PRKACB: variants seen among roughly 807,000 people sequenced by gnomAD.
PRKACB encodes the protein cAMP-dependent protein kinase catalytic subunit beta.
In PRKACB, 16 loss-of-function variants were observed where a neutral mutation model predicts 51.4. The observed-to-expected ratio is 0.31, with a 90% CI of 0.21 to 0.47. The LOEUF (loss-of-function observed/expected upper bound fraction) is 0.47, where lower values mean the gene tolerates loss of function less well. Among genes scored for constraint, PRKACB ranks in the 20% least tolerant of loss-of-function variants. The pLI, the probability that PRKACB is intolerant of heterozygous loss-of-function variation, is 1.00. For missense variants in PRKACB, 309 were observed against 464.5 expected (o/e 0.67, Z 3.08); for synonymous variants, 147 against 154.4 (o/e 0.95, Z 0.35).
chr1:84,163,739 G>A (rs953526211), intron 1 of PRKACB, among the ~76,000 whole-genome samples: 3 of 152,034 alleles, frequency 2.0e-5, no homozygotes, highest in Admixed American at 6.6e-5. Context: ...TGATAATTCT[G>A]TTCAGCTTCA....
intron 1 of PRKACB, among the ~76,000 whole-genome samples, chr1:84,080,931 ATT>A: frequency 6.6e-6 from 1 of 150,956 alleles, no homozygotes; most frequent in African/African-American, 2.5e-5. Flanking sequence ...TTTAGTTTCA[ATT>A]AAAGACTATA....
At chr1:84,233,093 T>C (rs1676016827) in intron 9 of PRKACB, among the ~76,000 whole-genome samples, 1 of 151,884 alleles carries the variant, frequency 6.6e-6, no homozygotes, top group Non-Finnish European at 1.5e-5. Flanking sequence ...TCAGGAGCTC[T>C]TTTAGGGCAG....
At chr1:84,203,582 AG>A (rs905595806) in intron 8 of PRKACB, among the ~76,000 whole-genome samples, 4 of 152,022 alleles carry the variant, frequency 2.6e-5, no homozygotes, top group Non-Finnish European at 4.4e-5. Flanking sequence ...ATGAAAGAAT[AG>A]GCTTTTAAAC....
At chr1:84,160,559 A>ATT (rs201933664) in intron 1 of PRKACB, among the ~76,000 whole-genome samples, 2,007 of 147,518 alleles carry the variant, frequency 0.014, 52 homozygotes, top group African/African-American at 0.046. Flanking sequence ...TATTATATAT[A>ATT]ATATAATACT....
chr1:84,104,251 G>T (rs1649562584), intron 1 of PRKACB, among the ~76,000 whole-genome samples: 1 of 152,084 alleles, frequency 6.6e-6, no homozygotes, highest in African/African-American at 2.4e-5. Flanking sequence ...GTACCTGACT[G>T]ATTTCACTTA....
At chr1:84,146,473 T>A (rs186845462) in intron 1 of PRKACB, among the ~76,000 whole-genome samples, 1 of 152,090 alleles carries the variant, frequency 6.6e-6, no homozygotes, top group East Asian at 1.9e-4. Context: ...GGTTTATTTT[T>A]GTGGTGAAAA....
chr1:84,174,045 A>G lies in PRKACB; in HGVS notation c.188-5132A>G, dbSNP rs75865828. Among the ~76,000 whole-genome samples, 391 of 151,882 alleles carry G rather than the reference A, an allele frequency of 2.6e-3. 10 individuals carry two copies. In the East Asian group the frequency reaches 0.068, roughly 26 times the overall value. ...TTGCCTTCTGGTTCCCGGAAGAAAT[A>G]GAATCTAGCAACTGTGAACTAACTC... On this transcript the variant is annotated intron_variant, in intron 1 of 9. Transcript: ENST00000370685.
intron 1 of PRKACB, among the ~76,000 whole-genome samples, chr1:84,165,411 G>C (rs1187964980): frequency 6.6e-6 from 1 of 151,606 alleles, no homozygotes; most frequent in East Asian, 1.9e-4. Flanking sequence ...ATTTTTATTA[G>C]ATTATTTTTA....
At chr1:84,221,447 G>C (rs1673709767) in intron 9 of PRKACB, among the ~76,000 whole-genome samples, 1 of 149,720 alleles carries the variant, frequency 6.7e-6, no homozygotes, top group Non-Finnish European at 1.5e-5. Flanking sequence ...ATTTAGTTGT[G>C]CTCTGATTTT....
chr1:84,215,179 G>C (rs1672711974), intron 9 of PRKACB, among the ~76,000 whole-genome samples: 1 of 151,914 alleles, frequency 6.6e-6, no homozygotes, highest in Non-Finnish European at 1.5e-5. Context: ...ATTTTTGGAA[G>C]GTCAAAGCAA....
rs550223561 is a variant in PRKACB at position 84,224,283 on chromosome 1, A to G, written c.1071+9966A>G. ...AATTTTAGCAGGTCTGCAAGGGCCA[A>G]TTCTTAGGCCTCTATGTGGCTTGCT... is the stretch of plus-strand genomic sequence containing the variant. On this transcript the variant is annotated intron_variant, in intron 9 of 9. Transcript: ENST00000370685. Among the ~76,000 whole-genome samples, 5 of 152,330 alleles carry G rather than the reference A, an allele frequency of 3.3e-5. No homozygotes were observed. In the East Asian group the frequency reaches 5.8e-4, roughly 18 times the overall value.
intron 1 of PRKACB, among the ~76,000 whole-genome samples, chr1:84,167,629 G>A (rs982713356): frequency 2.6e-5 from 4 of 151,476 alleles, no homozygotes; most frequent in African/African-American, 4.8e-5. Flanking sequence ...CTTATTCATT[G>A]TATGTTTCTA....
At chr1:84,173,329 C>T in intron 1 of PRKACB, 2 of 1,572,064 alleles carry the variant, frequency 1.3e-6, no homozygotes, top group Non-Finnish European at 1.7e-6. Context: ...TTTGATCAAG[C>T]ACGCAAATCA....
intron 1 of PRKACB, among the ~76,000 whole-genome samples, chr1:84,171,083 C>T (rs1659312693): frequency 6.6e-6 from 1 of 151,468 alleles, no homozygotes; most frequent in South Asian, 2.1e-4. Flanking sequence ...CAAATGTATA[C>T]ATTTGGAGAT....
chr1:84,130,213 A>G (rs867474946), intron 1 of PRKACB, among the ~76,000 whole-genome samples: 3 of 150,994 alleles, frequency 2.0e-5, no homozygotes, highest in African/African-American at 2.4e-5. Flanking sequence ...AAAAAAAAAA[A>G]AGAGAAACTC....
At chr1:84,189,058 A>C (rs1221121080) in intron 5 of PRKACB, among the ~76,000 whole-genome samples, 1 of 151,998 alleles carries the variant, frequency 6.6e-6, no homozygotes, top group Non-Finnish European at 1.5e-5. Context: ...ATAAAATATA[A>C]AATCTAGTTT....
chr1:84,109,859 A>G lies in PRKACB; in HGVS notation c.46+31488A>G, dbSNP rs140589851. ...ATTGAAGTATATGTGAATATCTTAG[A>G]CCCTTTTATTAACCCTTTTCTGATT... On this transcript the variant is annotated intron_variant, in intron 1 of 8. Transcript: ENST00000370688. Among the ~76,000 whole-genome samples, 1,208 of 151,882 alleles carry G rather than the reference A, an allele frequency of 8.0e-3. 15 individuals are homozygous for G. Among genetic ancestry groups the G allele is most frequent in the African/African-American group, 0.027 (1,112 of 41,480 alleles).
intron 1 of PRKACB, among the ~76,000 whole-genome samples, chr1:84,095,327 G>T (rs1297079360): frequency 6.6e-6 from 1 of 150,826 alleles, no homozygotes; most frequent in Non-Finnish European, 1.5e-5. Flanking sequence ...TTGTGTAAAG[G>T]TGTCCTAGTG....
chr1:84,089,423 A>G (rs1648279283), intron 1 of PRKACB, among the ~76,000 whole-genome samples: 1 of 152,158 alleles, frequency 6.6e-6, no homozygotes, highest in South Asian at 2.1e-4. Context: ...GGAAGAAGAC[A>G]CTGGACTAGG....
Sources: gnomAD v4.1 joint callset for allele counts (sites outside exome capture counted in the v4.1 genomes callset) on GRCh38, gnomAD v4.1.1 for gene constraint, MANE v1.5 for transcripts, NCBI Gene and HGNC (gene_info 2026-07-23, HGNC 2026-07-21) for gene names.